The following DCDC2C variants were observed in gnomAD, a reference collection of about 807,000 sequenced individuals.
DCDC2C encodes the protein doublecortin domain-containing protein 2C.
DCDC2C carries 44 observed loss-of-function variants against 45.0 expected under a neutral mutation model. That is an observed-to-expected ratio of 0.98 (90% CI 0.77 to 1.26). The LOEUF (loss-of-function observed/expected upper bound fraction) is 1.26, where lower values mean the gene tolerates loss of function less well. DCDC2C is among the 50% of genes most tolerant of loss of function. The pLI is 0.00. For synonymous variants in DCDC2C, 187 were observed against 178.8 expected, an observed-to-expected ratio of 1.05 and a Z score of -0.37; for missense variants, 447 against 468.9, an observed-to-expected ratio of 0.95 and a Z score of 0.43.
chr2:3,708,556 C>CA lies in DCDC2C; in HGVS notation c.296dup (p.His99GlnfsTer23), dbSNP rs1668127723. On this transcript the variant is annotated frameshift_variant, in exon 2 of 11. Coordinates refer to ENST00000399143, the MANE Select transcript of DCDC2C (RefSeq NM_001287444.2). LOFTEE classifies it high-confidence loss of function. The stretch of plus-strand genomic sequence containing the variant: ...TTCTTTCTTCTTTTGCAGTTATATT[C>CA]ATATAGTTCCCCGAAAACCTGCAAA... 1 of 1,545,812 alleles carries CA rather than the reference C, an allele frequency of 6.5e-7. No homozygotes were observed. The highest frequency in any genetic ancestry group is 8.7e-7 in the Non-Finnish European group (1 of 1,144,208).
intron 9 of DCDC2C, 23 bp from the exon 10 acceptor site, chr2:3,785,036 C>A: frequency 8.1e-7 from 1 of 1,229,900 alleles, no homozygotes; most frequent in Non-Finnish European, 1.0e-6. Context: ...TAGTTGATTC[C>A]TATATTTGTT....
intron 10 of DCDC2C, among the ~76,000 whole-genome samples, chr2:3,803,743 C>G (rs1196723406): frequency 2.0e-5 from 3 of 152,224 alleles, no homozygotes; most frequent in Non-Finnish European, 4.4e-5. Flanking sequence ...TTCAGTGCCT[C>G]CCTTCACTGC....
chr2:3,826,990 G>T (rs12711980), intron 10 of DCDC2C, among the ~76,000 whole-genome samples: 74,684 of 149,992 alleles, frequency 0.5, 18,780 homozygotes, highest in South Asian at 0.66. Context: ...TGTTTATTAA[G>T]TGGACCTATG....
intron 10 of DCDC2C, among the ~76,000 whole-genome samples, chr2:3,798,984 TC>T (rs1671037669): frequency 6.6e-6 from 1 of 152,244 alleles, no homozygotes; most frequent in Non-Finnish European, 1.5e-5. Context: ...TTGGTTCCAT[TC>T]TCCCCATCAC....
At chr2:3,813,039 G>GTATATATATATATATATATATATA (rs202152340) in intron 10 of DCDC2C, among the ~76,000 whole-genome samples, 17 of 87,384 alleles carry the variant, frequency 1.9e-4, no homozygotes, top group Non-Finnish European at 2.3e-4. Context: ...TGAGAAGAAC[G>GTATATATATATATATATATATATA]TATATATATA....
intron 4 of DCDC2C, among the ~76,000 whole-genome samples, chr2:3,744,654 C>T (rs1669309679): frequency 6.6e-6 from 1 of 152,192 alleles, no homozygotes; most frequent in Non-Finnish European, 1.5e-5. Flanking sequence ...TGTCAGTTAA[C>T]TCTCCTTTGG....
At position 3,752,827 on chromosome 2, in the gene DCDC2C, G is replaced by A. The variant is rs1027749614; in HGVS notation, c.610G>A (p.Val204Ile). The change falls in exon 5 of 11, where the codon GTT becomes ATT. Residue 204 changes from valine (V) to isoleucine (I), a missense_variant. By Grantham distance (29) the Val-to-Ile change is conservative (BLOSUM62 3). Transcript: ENST00000399143. ...SKDLQDNHFY[V>I]AVGLETFKYF... is the part of the protein sequence containing the mutation. ...GGATTTGCAAGACAATCACTTTTAT[G>A]TTGCTGTGGGACTGGAGACCTTCAA... The A allele has an allele frequency of 1.3e-6, 2 of 1,550,532 alleles. No individual in the cohort carries two copies. The highest frequency in any genetic ancestry group is 1.7e-6 in the Non-Finnish European group (2 of 1,146,950).
Position 3,761,940 on chromosome 2 carries a change from C to A in DCDC2C, c.727-5814C>A, listed in dbSNP as rs185567448. Reference sequence around the variant, plus strand: ...TTTAAAGCACTGCAGAGAAATAAAACCAACATACGTGAGGTTCATTTTCTG... The same window carrying A: ...TTTAAAGCACTGCAGAGAAATAAAAACAACATACGTGAGGTTCATTTTCTG... On this transcript the variant is annotated intron_variant, in intron 6 of 10. Coordinates refer to ENST00000399143, the MANE Select transcript of DCDC2C (RefSeq NM_001287444.2). The surrounding 1 kb of genome is among the most constrained non-coding windows in gnomAD (Gnocchi z 4.3). 6.6e-6 allele frequency among the ~76,000 whole-genome samples: 1 copy of A among 152,226 alleles called. No individual in the cohort carries two copies. Among genetic ancestry groups the A allele is most frequent in the Non-Finnish European group, 1.5e-5 (1 of 68,012 alleles).
intron 10 of DCDC2C, among the ~76,000 whole-genome samples, chr2:3,844,843 T>C (rs1169244948): frequency 6.6e-6 from 1 of 152,192 alleles, no homozygotes; most frequent in Non-Finnish European, 1.5e-5. Context: ...TCTTACACTG[T>C]CAACCCACAC....
chr2:3,778,793 A>C, intron 8 of DCDC2C, 23 bp from the exon 9 acceptor site: 2 of 1,548,834 alleles, frequency 1.3e-6, no homozygotes, highest in Non-Finnish European at 1.7e-6. Context: ...TAGTTGATAA[A>C]ATGTGGTGTA....
At chr2:3,765,772 C>A (rs891354996) in intron 6 of DCDC2C, among the ~76,000 whole-genome samples, 3 of 152,112 alleles carry the variant, frequency 2.0e-5, no homozygotes, top group Admixed American at 1.3e-4. Context: ...AAAAACACAA[C>A]AAACATCATC....
chr2:3,713,012 G>T (rs1668255090), intron 2 of DCDC2C, among the ~76,000 whole-genome samples: 1 of 151,420 alleles, frequency 6.6e-6, no homozygotes, highest in African/African-American at 2.4e-5. Flanking sequence ...CCATTTAAAA[G>T]ATGAATAAAG....
chr2:3,773,739 G>A (rs1385763399), intron 8 of DCDC2C, among the ~76,000 whole-genome samples: 1 of 152,186 alleles, frequency 6.6e-6, no homozygotes, highest in East Asian at 1.9e-4. Flanking sequence ...CCTTTCTTGG[G>A]GAAATAGTCT....
At chr2:3,815,260 C>T (rs1323860136) in intron 10 of DCDC2C, among the ~76,000 whole-genome samples, 1 of 152,232 alleles carries the variant, frequency 6.6e-6, no homozygotes, top group East Asian at 1.9e-4. Context: ...CTCACTGCCT[C>T]CCTTTGCTGG....
At chr2:3,830,204 T>C (rs1232613860) in intron 10 of DCDC2C, among the ~76,000 whole-genome samples, 1 of 152,232 alleles carries the variant, frequency 6.6e-6, no homozygotes, top group Non-Finnish European at 1.5e-5. Flanking sequence ...TCAGCTTACC[T>C]AAATGCATCT....
chr2:3,801,602 C>A (rs946185529), intron 10 of DCDC2C, among the ~76,000 whole-genome samples: 1 of 152,198 alleles, frequency 6.6e-6, no homozygotes, highest in Non-Finnish European at 1.5e-5. Context: ...GGATCAAATC[C>A]CTGTGGAAAG....
chr2:3,750,874 C>T (rs1055018586), intron 4 of DCDC2C, among the ~76,000 whole-genome samples: 7 of 151,620 alleles, frequency 4.6e-5, no homozygotes, highest in Non-Finnish European at 1.0e-4. Flanking sequence ...ATCTGCTCAC[C>T]CTCATCTCTC....
rs573840616 is a variant in DCDC2C at position 3,754,035 on chromosome 2, C to A, written c.684-557C>A. On this transcript the variant is annotated intron_variant, in intron 5 of 10. Coordinates refer to ENST00000399143, the MANE Select transcript of DCDC2C (RefSeq NM_001287444.2). ...TTCTATCTGCCCCCTACGTGTTTCC[C>A]ACCTCTCAGTGTGTTTTGCTTTTTG... Among the ~76,000 whole-genome samples, 11 of 152,252 alleles carry A rather than the reference C, an allele frequency of 7.2e-5. No individual in the cohort carries two copies. The East Asian group carries it at 1.9e-3, about 27-fold the overall frequency.
chr2:3,752,675 G>C, intron 4 of DCDC2C, 88 bp from the exon 5 acceptor site: 1 of 1,440,658 alleles, frequency 6.9e-7, no homozygotes, highest in South Asian at 1.2e-5. Flanking sequence ...CCATGCACTA[G>C]TCATGTCATA....
Sources: gnomAD v4.1 joint callset for allele counts (sites outside exome capture counted in the v4.1 genomes callset) on GRCh38, gnomAD v4.1.1 for gene constraint, Gnocchi (gnomAD v3.1) non-coding constraint, MANE v1.5 for transcripts, NCBI Gene and HGNC (gene_info 2026-07-23, HGNC 2026-07-21) for gene names.